SGCZ: variants seen among roughly 807,000 people sequenced by gnomAD.
SGCZ encodes the protein zeta-sarcoglycan.
SGCZ carries 40 observed loss-of-function variants against 41.3 expected under a neutral mutation model. The ratio of observed to expected loss-of-function variants is 0.97; its 90% CI spans 0.75 to 1.26. The LOEUF (loss-of-function observed/expected upper bound fraction) is 1.26, where lower values mean the gene tolerates loss of function less well. Among genes scored for constraint, SGCZ ranks in the 50% most tolerant of loss-of-function variants. SGCZ has a pLI of 0.00. For synonymous variants in SGCZ, 206 were observed against 137.5 expected, an observed-to-expected ratio of 1.50 and a Z score of -3.49; for missense variants, 552 against 369.8, an observed-to-expected ratio of 1.49 and a Z score of -4.04.
At chr8:14,336,595 G>A (rs533519818) in intron 2 of SGCZ, among the ~76,000 whole-genome samples, 1 of 152,088 alleles carries the variant, frequency 6.6e-6, no homozygotes, top group African/African-American at 2.4e-5. Context: ...AACTTCGCCA[G>A]TATCTGTTAT....
chr8:14,092,285 T>C (rs575816075), intron 7 of SGCZ, among the ~76,000 whole-genome samples: 1 of 152,228 alleles, frequency 6.6e-6, no homozygotes, highest in Admixed American at 6.5e-5. Flanking sequence ...TGCTTAGGAT[T>C]GTCTTGGTTA....
intron 1 of SGCZ, among the ~76,000 whole-genome samples, chr8:15,166,886 G>A (rs1366077337): frequency 2.0e-5 from 3 of 152,162 alleles, no homozygotes; most frequent in African/African-American, 7.2e-5. Flanking sequence ...AAAGGAAAAT[G>A]TACAGGATTC....
rs117742265 is a variant in SGCZ, at chr8:14,673,312, G to T, written c.40-118386C>A. On this transcript the variant is annotated intron_variant, in intron 1 of 7. Coordinates refer to ENST00000382080, the MANE Select transcript of SGCZ (RefSeq NM_139167.4). ...GGGACGGACCTGGTGGGAGGTGATT[G>T]TATCATGGGGGTGGTTTCCCCCATG... is the stretch of plus-strand genomic sequence containing the variant. Among the ~76,000 whole-genome samples the T allele has an allele frequency of 2.6e-3, 400 of 152,196 alleles. 7 individuals carry two copies. The highest frequency in any genetic ancestry group is 0.023 in the East Asian group (117 of 5,168).
intron 1 of SGCZ, among the ~76,000 whole-genome samples, chr8:14,687,321 T>C (rs571009570): frequency 1.4e-5 from 2 of 139,466 alleles, no homozygotes; most frequent in Non-Finnish European, 3.0e-5. Flanking sequence ...ATTAGGTATA[T>C]CTCCTAAAGC....
intron 1 of SGCZ, among the ~76,000 whole-genome samples, chr8:14,699,088 A>C (rs1482349939): frequency 6.6e-6 from 1 of 151,888 alleles, no homozygotes; most frequent in South Asian, 2.1e-4. Flanking sequence ...AAACAAAAAT[A>C]GAGCTAAGAA....
At chr8:14,818,950 G>C (rs1187640346) in intron 1 of SGCZ, among the ~76,000 whole-genome samples, 2 of 151,984 alleles carry the variant, frequency 1.3e-5, no homozygotes, top group Non-Finnish European at 1.5e-5. Flanking sequence ...TATTCCAGTT[G>C]TAGAAGAGAT....
intron 5 of SGCZ, among the ~76,000 whole-genome samples, chr8:14,150,182 A>T (rs1278340956): frequency 1.3e-5 from 2 of 152,112 alleles, no homozygotes; most frequent in Non-Finnish European, 2.9e-5. Flanking sequence ...AATAGGATCA[A>T]ATCAAGTTAA....
intron 1 of SGCZ, among the ~76,000 whole-genome samples, chr8:14,782,926 T>C (rs1017872886): frequency 6.6e-6 from 1 of 152,232 alleles, no homozygotes; most frequent in African/African-American, 2.4e-5. Flanking sequence ...ATCTTTTTTT[T>C]ATTACATGCT....
chr8:15,136,530 T>G (rs1808111577), intron 1 of SGCZ, among the ~76,000 whole-genome samples: 1 of 152,104 alleles, frequency 6.6e-6, no homozygotes, highest in Non-Finnish European at 1.5e-5. Context: ...GAATTGTAGA[T>G]CCCATAATCC....
intron 1 of SGCZ, among the ~76,000 whole-genome samples, chr8:14,699,753 C>G (rs551239406): frequency 1.8e-4 from 28 of 151,844 alleles, no homozygotes; most frequent in African/African-American, 6.8e-4. Flanking sequence ...CCGTAAGGAA[C>G]CTAAAAATTT....
intron 2 of SGCZ, among the ~76,000 whole-genome samples, chr8:14,473,984 A>C (rs7836965): frequency 0.35 from 52,611 of 151,352 alleles, 9,473 homozygotes; most frequent in African/African-American, 0.45. Flanking sequence ...TTTAAGTAAT[A>C]CCCCATGGGT....
chr8:15,062,635 G>C (rs1035565817), intron 1 of SGCZ, among the ~76,000 whole-genome samples: 8 of 152,088 alleles, frequency 5.3e-5, no homozygotes, highest in African/African-American at 1.4e-4. Context: ...TTTAAAAATA[G>C]AACATTTGCA....
intron 1 of SGCZ, among the ~76,000 whole-genome samples, chr8:14,670,439 C>G (rs919778624): frequency 6.6e-5 from 10 of 152,140 alleles, no homozygotes; most frequent in African/African-American, 2.4e-4. Context: ...TTTCAAGGTG[C>G]CTGGAAAAGT....
chr8:15,141,982 C>T (rs1435546312), intron 1 of SGCZ, among the ~76,000 whole-genome samples: 1 of 151,960 alleles, frequency 6.6e-6, no homozygotes, highest in Admixed American at 6.6e-5. Flanking sequence ...AGTGGAAGAC[C>T]CTGGGACAGG....
intron 2 of SGCZ, among the ~76,000 whole-genome samples, chr8:14,509,470 G>A (rs1224356096): frequency 2.0e-5 from 3 of 152,036 alleles, no homozygotes; most frequent in Non-Finnish European, 4.4e-5. Context: ...AAAATATGAT[G>A]TGCCCAAATT....
intron 1 of SGCZ, among the ~76,000 whole-genome samples, chr8:14,737,237 C>A (rs1451665505): frequency 6.6e-6 from 1 of 150,444 alleles, no homozygotes; most frequent in Non-Finnish European, 1.5e-5. Context: ...TAGAGGGTTT[C>A]TTAGTATCCT....
chr8:14,390,085 C>G (rs1804715284), intron 2 of SGCZ, among the ~76,000 whole-genome samples: 1 of 151,926 alleles, frequency 6.6e-6, no homozygotes. Context: ...GATAAATAGA[C>G]TATGAATTTT....
At chr8:15,191,506 T>C (rs1007038287) in intron 1 of SGCZ, among the ~76,000 whole-genome samples, 1 of 152,088 alleles carries the variant, frequency 6.6e-6, no homozygotes, top group Admixed American at 6.6e-5. Flanking sequence ...AAGAAAACCT[T>C]ATTATTTTAA....
chr8:15,209,096 T>C (rs1001176588), intron 1 of SGCZ, among the ~76,000 whole-genome samples: 1 of 69,798 alleles, frequency 1.4e-5, no homozygotes, highest in African/African-American at 4.1e-5. Context: ...TAACTTTGCA[T>C]CACAAATATC....
Sources: allele counts gnomAD v4.1 joint callset (sites outside exome capture counted in the v4.1 genomes callset), GRCh38; gene constraint gnomAD v4.1.1; transcripts MANE v1.5; gene names NCBI Gene and HGNC (gene_info 2026-07-23, HGNC 2026-07-21).